LSM12: variants seen among roughly 807,000 people sequenced by gnomAD.
LSM12 encodes protein LSM12.
For missense variants in LSM12, 108 were observed against 238.9 expected (o/e 0.45, Z 3.61); for synonymous variants, 74 against 87.3 (o/e 0.85, Z 0.85).
chr17:44,057,772 A>C (rs575380626), intron 2 of LSM12, among the ~76,000 whole-genome samples: 9 of 151,476 alleles, frequency 5.9e-5, no homozygotes, highest in Non-Finnish European at 1.0e-4. Flanking sequence ...AAAAAAACAA[A>C]GTAATAATAA....
intron 2 of LSM12, among the ~76,000 whole-genome samples, chr17:44,043,263 G>A (rs372959828): frequency 6.6e-6 from 1 of 152,216 alleles, no homozygotes; most frequent in Non-Finnish European, 1.5e-5. Context: ...GTGATCTGAA[G>A]CCAGAGCTCC....
chr17:44,040,029 AC>A, intron 3 of LSM12, 117 bp downstream of exon 3: 1 of 677,568 alleles, frequency 1.5e-6, no homozygotes, highest in East Asian at 2.8e-5. Flanking sequence ...TATTGCCAAT[AC>A]CCTACCCAGC....
chr17:44,057,620 T>G (rs1218043541), intron 2 of LSM12, among the ~76,000 whole-genome samples: 1 of 150,898 alleles, frequency 6.6e-6, no homozygotes, highest in African/African-American at 2.4e-5. Context: ...ATTAGCCAGC[T>G]GTGGTGGCAG....
At chr17:44,066,387 G>A (rs2049877571) in intron 1 of LSM12, 77 bp downstream of exon 1, 42 of 1,484,128 alleles carry the variant, frequency 2.8e-5, no homozygotes, top group Non-Finnish European at 3.1e-5. Context: ...AGCCCCAGCC[G>A]CCGCCGTCGT....
At chr17:44,065,671 C>T (rs2049863506) in intron 1 of LSM12, among the ~76,000 whole-genome samples, 1 of 152,130 alleles carries the variant, frequency 6.6e-6, no homozygotes, top group Non-Finnish European at 1.5e-5. Context: ...AAAAGGGAGG[C>T]TGCTACTACG....
chr17:44,044,878 A>G (rs1318443322), intron 2 of LSM12, among the ~76,000 whole-genome samples: 2 of 152,204 alleles, frequency 1.3e-5, no homozygotes, highest in Non-Finnish European at 2.9e-5. Context: ...GCAAATGACT[A>G]TATACCTATA....
At chr17:44,048,070 TAAAAA>T (rs2049594886) in intron 2 of LSM12, among the ~76,000 whole-genome samples, 2 of 139,680 alleles carry the variant, frequency 1.4e-5, no homozygotes, top group Non-Finnish European at 3.2e-5. Flanking sequence ...CACACGCAAA[TAAAAA>T]GAGTTCTTTA....
At chr17:44,063,140 A>AC (rs2049822199) in intron 2 of LSM12, among the ~76,000 whole-genome samples, 1 of 152,110 alleles carries the variant, frequency 6.6e-6, no homozygotes, top group Non-Finnish European at 1.5e-5. Flanking sequence ...CATGCATGTA[A>AC]TCCCAGCTAC....
rs559632892 is a variant in LSM12 at position 44,046,227 on chromosome 17, G to A, written c.259-5971C>T. On this transcript the variant is annotated intron_variant, in intron 2 of 4. Transcript: ENST00000293406. The stretch of plus-strand genomic sequence containing the variant: ...TGGGATTACAGGTGTGAGTCACCAT[G>A]CCCAGCCAACGTTTTACTTTTTAAA... Among the ~76,000 whole-genome samples, 9 of 151,948 alleles carry A rather than the reference G, an allele frequency of 5.9e-5. No homozygotes were observed. In the South Asian group the frequency reaches 1.9e-3, roughly 32 times the overall value.
chr17:44,066,167 T>C (rs907393068), intron 1 of LSM12, among the ~76,000 whole-genome samples: 2 of 144,984 alleles, frequency 1.4e-5, no homozygotes, highest in African/African-American at 2.6e-5. Context: ...AATTACTGTG[T>C]CCCCTCTCAT....
intron 2 of LSM12, among the ~76,000 whole-genome samples, chr17:44,055,422 G>T (rs2049697999): frequency 6.6e-6 from 1 of 150,656 alleles, no homozygotes. Flanking sequence ...AGCACTTTCG[G>T]AGGCTGAGGT....
At chr17:44,047,000 G>A (rs894366132) in intron 2 of LSM12, among the ~76,000 whole-genome samples, 1 of 151,852 alleles carries the variant, frequency 6.6e-6, no homozygotes, top group Non-Finnish European at 1.5e-5. Context: ...AAAGTGCTGG[G>A]ATTACAGGCG....
At chr17:44,052,585 C>T (rs1170512845) in intron 2 of LSM12, among the ~76,000 whole-genome samples, 1 of 151,782 alleles carries the variant, frequency 6.6e-6, no homozygotes, top group Non-Finnish European at 1.5e-5. Flanking sequence ...ATGGTGAAAC[C>T]CCATCTCTAC....
intron 2 of LSM12, among the ~76,000 whole-genome samples, chr17:44,049,959 C>T (rs903373888): frequency 1.3e-5 from 2 of 152,152 alleles, no homozygotes; most frequent in Admixed American, 6.5e-5. Flanking sequence ...AGCTGCTGCC[C>T]GGAACTGCTT....
At chr17:44,063,043 T>C (rs976429154) in intron 2 of LSM12, among the ~76,000 whole-genome samples, 3 of 151,944 alleles carry the variant, frequency 2.0e-5, no homozygotes, top group African/African-American at 2.4e-5. Context: ...CACTCCAGCC[T>C]GGGCGACACA....
chr17:44,057,064 G>C (rs1003749561), intron 2 of LSM12, among the ~76,000 whole-genome samples: 2 of 151,546 alleles, frequency 1.3e-5, no homozygotes, highest in Admixed American at 6.6e-5. Flanking sequence ...GCTGAGACAG[G>C]AGAACTGCTT....
At chr17:44,063,731 A>C in intron 2 of LSM12, 70 bp downstream of exon 2, 1 of 1,446,030 alleles carries the variant, frequency 6.9e-7, no homozygotes. Context: ...ACAACAATGT[A>C]TCACTAAGAC....
At chr17:44,065,885 G>T (rs1228954921) in intron 1 of LSM12, among the ~76,000 whole-genome samples, 1 of 150,728 alleles carries the variant, frequency 6.6e-6, no homozygotes, top group Non-Finnish European at 1.5e-5. Context: ...ACATACACAC[G>T]CATCAGCGAA....
intron 2 of LSM12, among the ~76,000 whole-genome samples, chr17:44,057,383 C>T (rs1338714288): frequency 2.0e-5 from 3 of 149,882 alleles, no homozygotes; most frequent in African/African-American, 4.9e-5. Flanking sequence ...CTCCTGACCT[C>T]GTGATCCGCC....
Sources: allele counts gnomAD v4.1 joint callset (sites outside exome capture counted in the v4.1 genomes callset), GRCh38; gene constraint gnomAD v4.1.1; transcripts MANE v1.5; gene names NCBI Gene and HGNC (gene_info 2026-07-23, HGNC 2026-07-21).